Variants in ARG2 observed in about 807,000 individuals in gnomAD.
The protein encoded by ARG2 is arginase-2, mitochondrial.
ARG2 carries 21 observed loss-of-function variants against 39.4 expected under a neutral mutation model. The observed-to-expected ratio is 0.53, with a 90% CI of 0.38 to 0.77. The LOEUF is 0.77. Among genes scored for constraint, ARG2 ranks in the 30% least tolerant of loss-of-function variants. ARG2 has a pLI of 0.00. For missense variants in ARG2, 378 were observed against 426.2 expected, an observed-to-expected ratio of 0.89 and a Z score of 1.00; for synonymous variants, 150 against 156.7, an observed-to-expected ratio of 0.96 and a Z score of 0.32.
chr14:67,630,808 C>T (rs1566797561), intron 2 of ARG2, among the ~76,000 whole-genome samples: 1 of 152,130 alleles, frequency 6.6e-6, no homozygotes, highest in Non-Finnish European at 1.5e-5. Context: ...TGGTCTGGAA[C>T]TCCTGACCTT....
At chr14:67,640,662 A>G (rs75870449) in intron 2 of ARG2, among the ~76,000 whole-genome samples, 1,789 of 152,264 alleles carry the variant, frequency 0.012, 46 homozygotes, top group African/African-American at 0.04. Flanking sequence ...TTTCCCACCA[A>G]TACCAGGACC....
At chr14:67,644,155 A>C (rs2037067496) in intron 3 of ARG2, among the ~76,000 whole-genome samples, 1 of 152,224 alleles carries the variant, frequency 6.6e-6, no homozygotes, top group African/African-American at 2.4e-5. Context: ...AAGCTTAGGC[A>C]ATCTGAAATT....
At chr14:67,627,256 G>GATAGATATATATATATATATAT (rs1555379492) in intron 2 of ARG2, among the ~76,000 whole-genome samples, 1 of 133,750 alleles carries the variant, frequency 7.5e-6, no homozygotes, top group Non-Finnish European at 1.6e-5. Context: ...TCAGTAAGGA[G>GATAGATATATATATATATATAT]ATATATATAT....
At chr14:67,630,879 C>G (rs1476083239) in intron 2 of ARG2, among the ~76,000 whole-genome samples, 1 of 152,070 alleles carries the variant, frequency 6.6e-6, no homozygotes, top group Admixed American at 6.5e-5. Context: ...CACCGTGCCC[C>G]GCCCATGTAG....
intron 2 of ARG2, among the ~76,000 whole-genome samples, chr14:67,634,841 C>A (rs2036954617): frequency 6.6e-6 from 1 of 152,146 alleles, no homozygotes. Context: ...ATTTACTTAT[C>A]CCTCTCTATT....
At chr14:67,630,578 GTTTA>G (rs375672749) in intron 2 of ARG2, among the ~76,000 whole-genome samples, 3 of 152,128 alleles carry the variant, frequency 2.0e-5, no homozygotes, top group East Asian at 1.9e-4. Flanking sequence ...TAGTTTTTAT[GTTTA>G]TTTATTTATT....
At chr14:67,630,034 A>G (rs563445424) in intron 2 of ARG2, among the ~76,000 whole-genome samples, 3 of 152,164 alleles carry the variant, frequency 2.0e-5, no homozygotes, top group South Asian at 4.1e-4. Context: ...TCCTTCCCAC[A>G]TTTCCCACCA....
At chr14:67,644,934 G>A (rs994795821) in intron 3 of ARG2, among the ~76,000 whole-genome samples, 5 of 151,362 alleles carry the variant, frequency 3.3e-5, no homozygotes, top group Admixed American at 1.3e-4. Context: ...GGAGGCGGAC[G>A]TTGTAGTGAG....
chr14:67,638,052 CA>C (rs1344535293), intron 2 of ARG2, among the ~76,000 whole-genome samples: 1 of 152,170 alleles, frequency 6.6e-6, no homozygotes, highest in East Asian at 1.9e-4. Flanking sequence ...ATGAGAGCCA[CA>C]AGCCAGGTCT....
At chr14:67,630,190 G>C (rs1393944324) in intron 2 of ARG2, among the ~76,000 whole-genome samples, 1 of 152,236 alleles carries the variant, frequency 6.6e-6, no homozygotes, top group Non-Finnish European at 1.5e-5. Context: ...TTGTGCAAAA[G>C]TAATTGCGGT....
At position 67,646,681 on chromosome 14, in the gene ARG2, G is replaced by T. The variant is rs753154059; in HGVS notation, c.560G>T (p.Cys187Phe). ...CCAGGATTTTCCTGGATCAAACCTT[G>T]TATCTCTTCTGCAAGTATTGTGTAT... is the stretch of plus-strand genomic sequence containing the variant. ...QLPGFSWIKP[C>F]ISSASIVYIG... The change falls in exon 5 of 8, where the codon TGT (cysteine) becomes TTT (phenylalanine). Residue 187 changes from cysteine (C) to phenylalanine (F), a missense_variant. Coordinates refer to ENST00000261783, the MANE Select transcript of ARG2 (RefSeq NM_001172.4). 2 of 1,613,572 alleles carry T rather than the reference G, an allele frequency of 1.2e-6. No individual in the cohort carries two copies. The highest frequency in any genetic ancestry group is 1.3e-5 in the African/African-American group (1 of 74,896).
chr14:67,624,839 A>C (rs1268739164), intron 2 of ARG2, among the ~76,000 whole-genome samples: 1 of 152,202 alleles, frequency 6.6e-6, no homozygotes, highest in Non-Finnish European at 1.5e-5. Flanking sequence ...TTCAAGAAAA[A>C]CATTGAATCT....
At chr14:67,648,337 A>T (rs1372042024) in intron 7 of ARG2, 154 bp downstream of exon 7, 4 of 791,450 alleles carry the variant, frequency 5.1e-6, no homozygotes, top group Admixed American at 3.2e-5. Flanking sequence ...CATGCTAATA[A>T]AAAGGATATA....
In ARG2 at chr14:67,627,199, T is replaced by C. The variant is rs961142846; in HGVS notation, c.184+6233T>C. 5.3e-5 allele frequency among the ~76,000 whole-genome samples: 8 copies of C among 151,008 alleles called. No individual in the cohort carries two copies. In the East Asian group the frequency reaches 7.8e-4, roughly 15 times the overall value. On this transcript the variant is annotated intron_variant, in intron 2 of 7. Transcript: ENST00000261783. ...ATAAATTCTAAAAGGATGAATTTTA[T>C]GGTATGTGAATTATATCTCAATAAT...
Position 67,647,025 on chromosome 14 carries a change from A to G in ARG2, c.722A>G (p.Lys241Arg). ...CGAACATTTGATCTGCTGATTGGCA[A>G]GTAAGTAACTATAACTGATGTCAGG... is the stretch of plus-strand genomic sequence containing the variant. ...MERTFDLLIGKRQRPIHLSFD... is the reference protein window; with the variant it reads ...MERTFDLLIGRRQRPIHLSFD... Residue 241 changes from lysine to arginine, a missense_variant and splice_region_variant, in exon 6 of 8, where the codon AAG becomes AGG. Coordinates refer to ENST00000261783, the MANE Select transcript of ARG2 (RefSeq NM_001172.4). 11 of 1,598,548 alleles carry G rather than the reference A, an allele frequency of 6.9e-6. No individual in the cohort carries two copies. Among genetic ancestry groups the G allele is most frequent in the Admixed American group, 1.7e-5 (1 of 59,980 alleles).
chr14:67,648,230 T>C (rs1388035244), intron 7 of ARG2, 47 bp downstream of exon 7: 4 of 1,566,594 alleles, frequency 2.6e-6, no homozygotes, highest in African/African-American at 1.4e-5. Flanking sequence ...TAGGTAAATA[T>C]GCTAGAGTCT....
chr14:67,625,984 C>T lies in ARG2; in HGVS notation c.184+5018C>T, dbSNP rs527583227. Reference sequence around the variant, plus strand: ...TTAAAACTACAATGGCCGGGTGTGGCGGCTTACACCTGTAATCCCAGTACT... The same window carrying T: ...TTAAAACTACAATGGCCGGGTGTGGTGGCTTACACCTGTAATCCCAGTACT... On this transcript the variant is annotated intron_variant, in intron 2 of 7. Transcript: ENST00000261783. Among the ~76,000 whole-genome samples, 10 of 151,902 alleles carry T rather than the reference C, an allele frequency of 6.6e-5. No homozygotes were observed. In the East Asian group the frequency reaches 1.6e-3, roughly 24 times the overall value.
intron 1 of ARG2, among the ~76,000 whole-genome samples, 199 bp downstream of exon 1, chr14:67,620,287 G>GGGA (rs895066970): frequency 4.6e-5 from 7 of 152,072 alleles, no homozygotes; most frequent in African/African-American, 1.7e-4. Context: ...GAGGGAGGGA[G>GGGA]GGAGGGGTGG....
chr14:67,650,647 A>G, intron 7 of ARG2, 68 bp from the exon 8 acceptor site: 1 of 1,444,000 alleles, frequency 6.9e-7, no homozygotes, highest in South Asian at 1.1e-5. Context: ...TCCCTGTCCC[A>G]GTGGGATGAC....
Sources: gnomAD v4.1 joint callset for allele counts (sites outside exome capture counted in the v4.1 genomes callset) on GRCh38, gnomAD v4.1.1 for gene constraint, MANE v1.5 for transcripts, NCBI Gene and HGNC (gene_info 2026-07-23, HGNC 2026-07-21) for gene names.